Variants in MTSS1 observed in about 807,000 individuals in gnomAD.
The protein encoded by MTSS1 is MTSS I-BAR domain containing 1.
MTSS1 carries 18 observed loss-of-function variants against 79.0 expected under a neutral mutation model. The observed-to-expected ratio is 0.23, with a 90% CI of 0.16 to 0.34. MTSS1 has a LOEUF of 0.34. Ranked by LOEUF, MTSS1 falls within the 10% of genes least tolerant of loss-of-function variation. The pLI is 1.00. For synonymous variants in MTSS1, 341 were observed against 368.6 expected (o/e 0.93, Z 0.86); for missense variants, 815 against 986.2 (o/e 0.83, Z 2.33).
chr8:124,714,357 T>C (rs990036615), intron 1 of MTSS1, among the ~76,000 whole-genome samples: 2 of 152,188 alleles, frequency 1.3e-5, no homozygotes, highest in Non-Finnish European at 2.9e-5. Context: ...AGTAAGTAAT[T>C]TGCCCAAAGT....
Position 124,616,117 on chromosome 8 carries a change from C to A in MTSS1, c.209-24882G>T, listed in dbSNP as rs554231900. On this transcript the variant is annotated intron_variant, in intron 3 of 13. Coordinates refer to ENST00000518547, the MANE Select transcript of MTSS1 (RefSeq NM_014751.6). The stretch of plus-strand genomic sequence containing the variant: ...CAAGTTCATGATGCCAAATTCAGGG[C>A]ACAGATAAACCAAACCAACACATTC... Among the ~76,000 whole-genome samples, 3 of 152,332 alleles carry A rather than the reference C, an allele frequency of 2.0e-5. No individual in the cohort carries two copies. The East Asian group carries it at 5.8e-4, about 29-fold the overall frequency.
intron 1 of MTSS1, among the ~76,000 whole-genome samples, chr8:124,712,539 A>C (rs935778251): frequency 6.6e-6 from 1 of 152,118 alleles, no homozygotes; most frequent in Non-Finnish European, 1.5e-5. Flanking sequence ...TTTGTCCCCA[A>C]AACCACCCTT....
chr8:124,632,748 A>T (rs540968134), intron 3 of MTSS1, among the ~76,000 whole-genome samples: 1 of 152,142 alleles, frequency 6.6e-6, no homozygotes, highest in East Asian at 1.9e-4. Context: ...GCTCACTGCA[A>T]CCTCTGCCTC....
rs1262943593 is a variant in MTSS1 at position 124,683,434 on chromosome 8, T to C, written c.208+16092A>G. On this transcript the variant is annotated intron_variant, in intron 3 of 13. Coordinates refer to ENST00000518547, the MANE Select transcript of MTSS1 (RefSeq NM_014751.6). The surrounding 1 kb of genome is among the most constrained non-coding windows in gnomAD (Gnocchi z 4.5). ...ATATGTACACATATATACAGATATA[T>C]GTACATGCAAGGATCCAAACCTAGT... Among the ~76,000 whole-genome samples the C allele has an allele frequency of 6.6e-6, 1 of 152,192 alleles. No homozygotes were observed. Among genetic ancestry groups the C allele is most frequent in the Non-Finnish European group, 1.5e-5 (1 of 68,040 alleles).
At chr8:124,579,036 G>C (rs1053871902) in intron 6 of MTSS1, among the ~76,000 whole-genome samples, 1 of 152,212 alleles carries the variant, frequency 6.6e-6, no homozygotes. Context: ...CCCTACAAGA[G>C]AAAAAATTAA....
At chr8:124,622,060 AAGAGAGAGAGAGAG>A (rs55869660) in intron 3 of MTSS1, among the ~76,000 whole-genome samples, 4 of 110,052 alleles carry the variant, frequency 3.6e-5, no homozygotes, top group South Asian at 2.8e-4. Context: ...CAGAAAGAGA[AAGAGAGAGAGAGAG>A]AGAGAGAGAG....
intron 3 of MTSS1, among the ~76,000 whole-genome samples, chr8:124,665,092 AG>A (rs1822809022): frequency 6.6e-6 from 1 of 152,074 alleles, no homozygotes; most frequent in African/African-American, 2.4e-5. Flanking sequence ...AAGCTTGGAG[AG>A]GGTAAGTAAC....
At chr8:124,679,124 G>C (rs1338307455) in intron 3 of MTSS1, among the ~76,000 whole-genome samples, 2 of 152,228 alleles carry the variant, frequency 1.3e-5, no homozygotes, top group African/African-American at 4.8e-5. Context: ...TCCTAGAGGA[G>C]GCAAGGTTGT....
intron 3 of MTSS1, among the ~76,000 whole-genome samples, chr8:124,638,912 TTAAC>T (rs1265211185): frequency 6.6e-6 from 1 of 152,216 alleles, no homozygotes; most frequent in African/African-American, 2.4e-5. Context: ...GTAAAGAATT[TTAAC>T]TAACTGGGCG....
chr8:124,726,874 A>C lies in MTSS1; in HGVS notation c.72+1010T>G, dbSNP rs7008134. 5.4e-3 allele frequency among the ~76,000 whole-genome samples: 828 copies of C among 152,248 alleles called. 7 individuals are homozygous for C. The highest frequency in any genetic ancestry group is 0.016 in the African/African-American group (644 of 41,542). Reference sequence around the variant, plus strand: ...TGGGGCTGGGCCAGAGCCAAAGAGAAGCTCCCTAAATACACATTAAAAAAA... The same window carrying C: ...TGGGGCTGGGCCAGAGCCAAAGAGACGCTCCCTAAATACACATTAAAAAAA... On this transcript the variant is annotated intron_variant, in intron 1 of 13. Transcript: ENST00000518547.
chr8:124,667,450 T>C (rs1334594993), intron 3 of MTSS1, among the ~76,000 whole-genome samples: 1 of 151,892 alleles, frequency 6.6e-6, no homozygotes, highest in Non-Finnish European at 1.5e-5. Flanking sequence ...TTTGAGACCA[T>C]CCTGACCAAC....
chr8:124,626,323 C>A (rs1324387103), intron 3 of MTSS1, among the ~76,000 whole-genome samples: 1 of 152,062 alleles, frequency 6.6e-6, no homozygotes, highest in Admixed American at 6.5e-5. Context: ...AGCTTTTCTG[C>A]CAGGATGCTT....
At chr8:124,614,099 G>A (rs1428385426) in intron 3 of MTSS1, among the ~76,000 whole-genome samples, 1 of 151,056 alleles carries the variant, frequency 6.6e-6, no homozygotes, top group Non-Finnish European at 1.5e-5. Flanking sequence ...AATAGGCTGA[G>A]GCTGTAATGA....
intron 5 of MTSS1, among the ~76,000 whole-genome samples, chr8:124,585,718 T>C (rs1830746476): frequency 1.3e-5 from 2 of 152,074 alleles, no homozygotes; most frequent in Admixed American, 6.5e-5. Context: ...GGGAATACTT[T>C]AGTAAAAATG....
chr8:124,726,708 T>C (rs1220654420), intron 1 of MTSS1, among the ~76,000 whole-genome samples: 2 of 151,948 alleles, frequency 1.3e-5, no homozygotes, highest in African/African-American at 4.8e-5. Context: ...AGACAAAAGC[T>C]CCTCCAGGCG....
At chr8:124,580,500 G>T in intron 6 of MTSS1, 1 of 1,534,136 alleles carries the variant, frequency 6.5e-7, no homozygotes, top group Non-Finnish European at 8.7e-7. Context: ...AAAGCCCACA[G>T]CAAGGACCAC....
In MTSS1 at chr8:124,553,509, G is replaced by A; in HGVS notation, c.1751C>T (p.Pro584Leu). The A allele has an allele frequency of 1.2e-6, 2 of 1,614,124 alleles. No individual in the cohort carries two copies. Among genetic ancestry groups the A allele is most frequent in the South Asian group, 2.2e-5 (2 of 91,076 alleles). The change falls in exon 14 of 14, where the codon CCA becomes CTA. Residue 584 changes from proline (P) to leucine (L), a missense_variant. Physicochemically the swap from Pro to Leu is moderately conservative, Grantham distance 98 (BLOSUM62 -3). Transcript: ENST00000518547. The surrounding 1 kb of genome is among the most constrained non-coding windows in gnomAD (Gnocchi z 6.0). The part of the protein sequence containing the change: ...PTTLGPAMVT[P>L]GVATIRRTPS... ...GGTCCGTCGGATAGTTGCAACCCCTGGAGTGACCATAGCAGGTCCCAGGGT... is the reference window on the plus strand; with the variant it reads ...GGTCCGTCGGATAGTTGCAACCCCTAGAGTGACCATAGCAGGTCCCAGGGT...
At chr8:124,637,691 C>A (rs1312895088) in intron 3 of MTSS1, among the ~76,000 whole-genome samples, 1 of 152,246 alleles carries the variant, frequency 6.6e-6, no homozygotes, top group Non-Finnish European at 1.5e-5. Flanking sequence ...TTATGTGTCA[C>A]ATTTGGGTCT....
chr8:124,595,128 A>ACTGGGTTTGTATCTTGTTTAATCCC (rs1412132088), intron 3 of MTSS1, among the ~76,000 whole-genome samples: 180 of 152,278 alleles, frequency 1.2e-3, no homozygotes, highest in Non-Finnish European at 1.8e-3. Context: ...AGGACCAGGG[A>ACTGGGTTTGTATCTTGTTTAATCCC]CTGGGTTTGT....
Sources: gnomAD v4.1 joint callset for allele counts (sites outside exome capture counted in the v4.1 genomes callset) on GRCh38, gnomAD v4.1.1 for gene constraint, Gnocchi (gnomAD v3.1) non-coding constraint, MANE v1.5 for transcripts, NCBI Gene and HGNC (gene_info 2026-07-23, HGNC 2026-07-21) for gene names.